SEMA3A: variants seen among roughly 807,000 people sequenced by gnomAD.
SEMA3A encodes the protein semaphorin-3A.
SEMA3A carries 29 observed loss-of-function variants against 97.9 expected under a neutral mutation model. The ratio of observed to expected loss-of-function variants is 0.30; its 90% CI spans 0.22 to 0.40. The LOEUF (loss-of-function observed/expected upper bound fraction) is 0.40, where lower values mean the gene tolerates loss of function less well. Among genes scored for constraint, SEMA3A ranks in the 10% least tolerant of loss-of-function variants. The probability of loss-of-function intolerance (pLI) is 1.00; values close to 1 mark genes in which losing one functional copy is unlikely to be tolerated. For synonymous variants in SEMA3A, 321 were observed against 323.7 expected (o/e 0.99, Z 0.09); for missense variants, 763 against 951.3 (o/e 0.80, Z 2.60).
intron 1 of SEMA3A, among the ~76,000 whole-genome samples, chr7:84,447,567 G>A (rs1031145088): frequency 3.9e-5 from 6 of 152,264 alleles, no homozygotes; most frequent in African/African-American, 1.2e-4. Context: ...CTTCAGTTAG[G>A]AGATACCCAC....
Position 84,151,074 on chromosome 7 carries a change from C to A in SEMA3A, c.113-16123G>T, listed in dbSNP as rs1325104362. Among the ~76,000 whole-genome samples the A allele has an allele frequency of 2.7e-5, 4 of 149,842 alleles. 1 individual carries two copies. In the Admixed American group the frequency reaches 2.7e-4, roughly 10 times the overall value. On this transcript the variant is annotated intron_variant, in intron 1 of 16. Transcript: ENST00000265362. ...CTAACAAACAGAAAGGACATCCACA[C>A]CAAAAACCCATCTGTACATCACCAT...
intron 2 of SEMA3A, among the ~76,000 whole-genome samples, chr7:84,338,618 A>T (rs1802092300): frequency 6.6e-6 from 1 of 152,182 alleles, no homozygotes; most frequent in African/African-American, 2.4e-5. Context: ...GAAGTTTGGC[A>T]CAGAGATTAG....
intron 6 of SEMA3A, among the ~76,000 whole-genome samples, chr7:84,038,316 C>T (rs1206485622): frequency 1.3e-5 from 2 of 152,074 alleles, no homozygotes; most frequent in Non-Finnish European, 2.9e-5. Context: ...TGAGACTGTG[C>T]ATTTTACTAC....
At chr7:84,064,037 C>A (rs13312142) in intron 4 of SEMA3A, among the ~76,000 whole-genome samples, 58,532 of 151,616 alleles carry the variant, frequency 0.39, 12,521 homozygotes, top group African/African-American at 0.59. Flanking sequence ...GGGTTACCCA[C>A]AAAGGGAAGC....
At chr7:84,162,135 T>C (rs1209767895) in intron 1 of SEMA3A, among the ~76,000 whole-genome samples, 1 of 152,202 alleles carries the variant, frequency 6.6e-6, no homozygotes, top group Non-Finnish European at 1.5e-5. Flanking sequence ...AGCATATGTT[T>C]TGATAATTTA....
chr7:84,194,629 C>T lies in SEMA3A; in HGVS notation c.-43G>A. 1 of 1,249,642 alleles carries T rather than the reference C, an allele frequency of 8.0e-7. No homozygotes were observed. Among genetic ancestry groups the T allele is most frequent in the African/African-American group, 1.5e-5 (1 of 67,564 alleles). The allele number at this position is 1,249,642 out of a possible 1,614,324, so 77.4% of individuals were successfully genotyped here. A position where few individuals can be genotyped will look rare whatever the true frequency, so the allele number is the denominator to read the frequency against. On this transcript the variant is annotated 5_prime_UTR_variant, in exon 1 of 17. Transcript: ENST00000265362. ...TCCCTTTGCTGCTTTAGTCTTCCTT[C>T]CTGTATTGTGCGGCCAGAGAAGTTC...
At chr7:84,393,324 G>T (rs1803636978) in intron 1 of SEMA3A, among the ~76,000 whole-genome samples, 9 of 151,878 alleles carry the variant, frequency 5.9e-5, no homozygotes, top group Admixed American at 5.9e-4. Context: ...TTTATTCTTG[G>T]GAACTTTGTT....
intron 4 of SEMA3A, among the ~76,000 whole-genome samples, chr7:84,062,911 C>T (rs1159738926): frequency 2.0e-5 from 3 of 151,922 alleles, no homozygotes; most frequent in Non-Finnish European, 4.4e-5. Context: ...CTGGGTGGAG[C>T]CCACCACAGC....
chr7:84,087,855 G>GT (rs373074605), intron 4 of SEMA3A, among the ~76,000 whole-genome samples: 6 of 152,042 alleles, frequency 3.9e-5, no homozygotes, highest in Non-Finnish European at 5.9e-5. Context: ...CTTCCTCTAT[G>GT]TTTTTGCATT....
intron 4 of SEMA3A, among the ~76,000 whole-genome samples, chr7:84,109,856 T>C (rs973368902): frequency 1.3e-5 from 2 of 152,350 alleles, no homozygotes; most frequent in African/African-American, 4.8e-5. Flanking sequence ...TAGCAACCTT[T>C]TCTTTATCTT....
intron 1 of SEMA3A, among the ~76,000 whole-genome samples, chr7:84,484,046 A>G (rs533972246): frequency 3.2e-3 from 478 of 151,306 alleles, no homozygotes; most frequent in Non-Finnish European, 4.9e-3. Context: ...CTCTGTCTCA[A>G]AAAAAAGAAA....
chr7:84,234,080 T>C (rs1799178627), intron 3 of SEMA3A, among the ~76,000 whole-genome samples: 1 of 151,958 alleles, frequency 6.6e-6, no homozygotes, highest in South Asian at 2.1e-4. Flanking sequence ...AAGATGTCAA[T>C]AGGAACCTGC....
intron 1 of SEMA3A, among the ~76,000 whole-genome samples, chr7:84,464,721 T>A (rs1805946551): frequency 6.6e-6 from 1 of 152,180 alleles, no homozygotes; most frequent in Non-Finnish European, 1.5e-5. Context: ...GAAATTAGCT[T>A]AGAGAGAACA....
intron 1 of SEMA3A, among the ~76,000 whole-genome samples, chr7:84,189,012 C>T (rs1446998382): frequency 6.6e-6 from 1 of 151,766 alleles, no homozygotes; most frequent in Non-Finnish European, 1.5e-5. Context: ...AAAGAGCTGT[C>T]ACAAATTGCT....
chr7:84,121,004 C>G (rs1300630420), intron 3 of SEMA3A, among the ~76,000 whole-genome samples: 2 of 152,062 alleles, frequency 1.3e-5, no homozygotes, highest in Admixed American at 6.6e-5. Context: ...GATGAAAAAA[C>G]CTAAATATTT....
Position 84,187,424 on chromosome 7 carries a change from T to G in SEMA3A, c.112+7051A>C, listed in dbSNP as rs1000623610. Among the ~76,000 whole-genome samples, 6 of 152,306 alleles carry G rather than the reference T, an allele frequency of 3.9e-5. No individual in the cohort carries two copies. In the East Asian group the frequency reaches 7.7e-4, roughly 20 times the overall value. Reference sequence around the variant, plus strand: ...TTGTCCAAAGGAATGCAATAATTCCTCAGCCTGGTTCCTGATTCCTAGAGC... The same window carrying G: ...TTGTCCAAAGGAATGCAATAATTCCGCAGCCTGGTTCCTGATTCCTAGAGC... On this transcript the variant is annotated intron_variant, in intron 1 of 16. Transcript: ENST00000265362.
chr7:84,296,033 C>A (rs373164452), intron 3 of SEMA3A, among the ~76,000 whole-genome samples: 5 of 152,060 alleles, frequency 3.3e-5, no homozygotes, highest in Admixed American at 2.0e-4. Context: ...ATCACACAAT[C>A]AAGTTACTAA....
At chr7:84,088,834 C>A (rs575422298) in intron 4 of SEMA3A, among the ~76,000 whole-genome samples, 1 of 152,084 alleles carries the variant, frequency 6.6e-6, no homozygotes, top group East Asian at 1.9e-4. Context: ...AAGTTACTTG[C>A]AGCCATGATT....
chr7:84,439,545 A>T (rs1245245238), intron 1 of SEMA3A, among the ~76,000 whole-genome samples: 1 of 152,180 alleles, frequency 6.6e-6, no homozygotes, highest in East Asian at 1.9e-4. Context: ...AAATTTCTGG[A>T]TTATGTCTGA....
Sources: gnomAD v4.1 joint callset for allele counts (sites outside exome capture counted in the v4.1 genomes callset) on GRCh38, gnomAD v4.1.1 for gene constraint, MANE v1.5 for transcripts, NCBI Gene and HGNC (gene_info 2026-07-23, HGNC 2026-07-21) for gene names.